Variants in IQUB observed in about 807,000 individuals in gnomAD.
IQUB encodes the protein IQ motif and ubiquitin-like domain-containing protein.
In IQUB, 86 loss-of-function variants were observed where a neutral mutation model predicts 86.4. The observed-to-expected ratio is 1.00, with a 90% confidence interval of 0.84 to 1.19. The LOEUF (loss-of-function observed/expected upper bound fraction) is 1.19. IQUB is among the 50% of genes most tolerant of loss of function. IQUB has a pLI of 0.00. For missense variants in IQUB, 946 were observed against 916.9 expected (o/e 1.03, Z -0.41); for synonymous variants, 289 against 304.5 (o/e 0.95, Z 0.53).
intron 3 of IQUB, among the ~76,000 whole-genome samples, chr7:123,506,583 A>T (rs552966893): frequency 9.0e-4 from 137 of 152,188 alleles, no homozygotes; most frequent in Non-Finnish European, 1.7e-3. Flanking sequence ...GAGGTGCTGA[A>T]CACTTTTAAA....
At chr7:123,504,364 T>C (rs1419857023) in intron 3 of IQUB, among the ~76,000 whole-genome samples, 1 of 151,956 alleles carries the variant, frequency 6.6e-6, no homozygotes, top group East Asian at 1.9e-4. Context: ...GCAAGAGAAT[T>C]ACTTAAACCC....
chr7:123,461,212 C>A, intron 11 of IQUB, 145 bp downstream of exon 11: 1 of 793,102 alleles, frequency 1.3e-6, no homozygotes, highest in Non-Finnish European at 2.0e-6. Flanking sequence ...GGAAAAAAAG[C>A]ATACTCCTGC....
intron 1 of IQUB, among the ~76,000 whole-genome samples, chr7:123,526,518 A>T (rs1476778947): frequency 1.3e-5 from 2 of 151,934 alleles, no homozygotes; most frequent in African/African-American, 2.4e-5. Context: ...CTAGGATTGC[A>T]ACCCCTGCCT....
intron 6 of IQUB, chr7:123,501,287 CTGATGACA>C (rs1359239673): frequency 6.6e-6 from 1 of 152,314 alleles, no homozygotes; most frequent in Non-Finnish European, 1.5e-5. Flanking sequence ...GTTTATGATT[CTGATGACA>C]TCATAGAGTC....
chr7:123,496,833 C>T lies in IQUB; in HGVS notation c.1097G>A (p.Ser366Asn), dbSNP rs538874442. The change falls in exon 7 of 13, where the codon AGC (serine) becomes AAC (asparagine). Residue 366 changes from serine to asparagine, a missense_variant. Physicochemically the swap from Ser to Asn is conservative, Grantham distance 46 (BLOSUM62 1). Coordinates refer to ENST00000324698, the MANE Select transcript of IQUB (RefSeq NM_178827.5). ...CTGTGTTTCCCATTCCAGTCTTAAGCTTTTCTGTCTTCTTAAATTCTCTAC... is the reference window on the plus strand; with the variant it reads ...CTGTGTTTCCCATTCCAGTCTTAAGTTTTTCTGTCTTCTTAAATTCTCTAC... ...IFVENLRRQK[S>N]LRLEWETQQE... 6.2e-7 allele frequency: 1 copy of T among 1,612,710 alleles called. No homozygotes were observed. Among genetic ancestry groups the T allele is most frequent in the Admixed American group, 1.7e-5 (1 of 59,878 alleles).
intron 6 of IQUB, 140 bp downstream of exon 6, chr7:123,502,457 G>T: frequency 1.5e-6 from 1 of 686,298 alleles, no homozygotes; most frequent in Non-Finnish European, 2.5e-6. Flanking sequence ...GATAAAGACT[G>T]CTTTGTTAGC....
intron 3 of IQUB, among the ~76,000 whole-genome samples, chr7:123,507,899 C>T (rs1048486375): frequency 1.3e-5 from 2 of 151,738 alleles, no homozygotes; most frequent in Non-Finnish European, 2.9e-5. Flanking sequence ...ACATGAATGT[C>T]ATATGGACTT....
chr7:123,493,772 T>TGTGC (rs1795591581), intron 7 of IQUB, among the ~76,000 whole-genome samples: 2 of 148,584 alleles, frequency 1.3e-5, no homozygotes, highest in Non-Finnish European at 1.5e-5. Flanking sequence ...TGTGTGTGTG[T>TGTGC]GTGCATGTGT....
intron 1 of IQUB, among the ~76,000 whole-genome samples, chr7:123,526,755 T>C (rs918476274): frequency 6.6e-6 from 1 of 151,926 alleles, no homozygotes; most frequent in Admixed American, 6.6e-5. Context: ...TGTTAGCTGG[T>C]TATTTTGCTC....
At chr7:123,529,937 G>A (rs1378243595) in intron 1 of IQUB, among the ~76,000 whole-genome samples, 2 of 152,044 alleles carry the variant, frequency 1.3e-5, no homozygotes, top group East Asian at 3.9e-4. Context: ...GGAGGCTGAG[G>A]CAGGAGAATT....
chr7:123,487,659 T>C (rs1795266513), intron 7 of IQUB, among the ~76,000 whole-genome samples: 1 of 152,232 alleles, frequency 6.6e-6, no homozygotes, highest in Admixed American at 6.5e-5. Flanking sequence ...AATTTCCATG[T>C]CCTCTATTCA....
In IQUB at chr7:123,479,816, T is replaced by C. The variant is rs972677878; in HGVS notation, c.1389A>G (p.Ala463=). The C allele has an allele frequency of 6.2e-7, 1 of 1,612,024 alleles. No individual in the cohort carries two copies. Among genetic ancestry groups the C allele is most frequent in the Non-Finnish European group, 8.5e-7 (1 of 1,179,004 alleles). Residue 463 remains alanine (A), a synonymous_variant, in exon 8 of 13, where the codon GCA becomes GCG. Transcript: ENST00000324698. ...TAACCTTATCCAAAAAAGCTTGTAT[T>C]GCTGCTTCCTGATTTGCCATATAAG... ...YIAYMANQEA[A]IQAFLDKCSA... is the part of the protein sequence containing the mutation.
At chr7:123,506,848 GT>G (rs1796200463) in intron 3 of IQUB, among the ~76,000 whole-genome samples, 1 of 152,152 alleles carries the variant, frequency 6.6e-6, no homozygotes, top group Non-Finnish European at 1.5e-5. Flanking sequence ...AGGTAAGCCA[GT>G]TTTGTGCTAG....
chr7:123,491,481 C>T (rs1268303394), intron 7 of IQUB, among the ~76,000 whole-genome samples: 2 of 152,038 alleles, frequency 1.3e-5, no homozygotes, highest in South Asian at 2.1e-4. Context: ...CACAAAATTA[C>T]CAGTATCAGT....
At chr7:123,466,113 A>T (rs1794249954) in intron 9 of IQUB, among the ~76,000 whole-genome samples, 1 of 152,122 alleles carries the variant, frequency 6.6e-6, no homozygotes, top group African/African-American at 2.4e-5. Flanking sequence ...ATACACACAT[A>T]TTCTCAAAGC....
intron 11 of IQUB, 136 bp downstream of exon 11, chr7:123,461,221 G>T: frequency 1.2e-6 from 1 of 868,478 alleles, no homozygotes; most frequent in Non-Finnish European, 1.8e-6. Flanking sequence ...GCATACTCCT[G>T]CCCTCACAGA....
intron 8 of IQUB, among the ~76,000 whole-genome samples, chr7:123,478,756 T>G (rs1794861685): frequency 1.3e-5 from 2 of 152,084 alleles, no homozygotes. Flanking sequence ...ACCGAGTAGA[T>G]GATGAAATTT....
At chr7:123,528,695 G>A (rs776274213) in intron 1 of IQUB, among the ~76,000 whole-genome samples, 1 of 152,166 alleles carries the variant, frequency 6.6e-6, no homozygotes, top group Non-Finnish European at 1.5e-5. Context: ...CTCATGGTAG[G>A]TTAGTGGTAG....
intron 3 of IQUB, among the ~76,000 whole-genome samples, chr7:123,504,984 T>C (rs1403962500): frequency 6.6e-6 from 1 of 152,334 alleles, no homozygotes; most frequent in East Asian, 1.9e-4. Context: ...AATGGAGATA[T>C]AGGCATTGGG....
Sources: allele counts gnomAD v4.1 joint callset (sites outside exome capture counted in the v4.1 genomes callset), GRCh38; gene constraint gnomAD v4.1.1; transcripts MANE v1.5; gene names NCBI Gene and HGNC (gene_info 2026-07-23, HGNC 2026-07-21).